NRG4: variants seen among roughly 807,000 people sequenced by gnomAD.
NRG4 encodes the protein pro-neuregulin-4, membrane-bound isoform.
A neutral mutation model predicts 15.0 loss-of-function variants in NRG4; 10 were observed. That is an observed-to-expected ratio of 0.67 (90% CI 0.41 to 1.13). NRG4 has a LOEUF of 1.13. Among genes scored for constraint, NRG4 ranks in the 50% most tolerant of loss-of-function variants. The pLI, the probability that NRG4 is intolerant of heterozygous loss-of-function variation, is 0.00. For missense variants in NRG4, 139 were observed against 140.2 expected, an observed-to-expected ratio of 0.99 and a Z score of 0.04; for synonymous variants, 41 against 50.1, an observed-to-expected ratio of 0.82 and a Z score of 0.77.
At chr15:76,058,183 A>C (rs2036199685) in intron 1 of NRG4, among the ~76,000 whole-genome samples, 1 of 152,196 alleles carries the variant, frequency 6.6e-6, no homozygotes, top group South Asian at 2.1e-4. Flanking sequence ...ACTGACTGTC[A>C]GAAAACTATA....
At chr15:76,014,262 G>A (rs975504630), upstream of NRG4, among the ~76,000 whole-genome samples, 4 of 152,106 alleles carry the variant, frequency 2.6e-5, no homozygotes, top group East Asian at 7.7e-4. Context: ...CAGATGAATA[G>A]ATTGCAAAAA....
At chr15:75,962,359 T>C (rs959641572) in intron 3 of NRG4, among the ~76,000 whole-genome samples, 2 of 152,206 alleles carry the variant, frequency 1.3e-5, no homozygotes, top group Non-Finnish European at 2.9e-5. Flanking sequence ...AACTGCTAAC[T>C]GGTTATTCCA....
upstream of NRG4, among the ~76,000 whole-genome samples, chr15:76,013,815 G>A (rs747523808): frequency 1.3e-5 from 2 of 152,130 alleles, no homozygotes; most frequent in Non-Finnish European, 2.9e-5. Flanking sequence ...GTGTGCATGT[G>A]TCTTTATAGT....
At chr15:75,967,032 T>C (rs1377247598) in intron 3 of NRG4, among the ~76,000 whole-genome samples, 4 of 148,378 alleles carry the variant, frequency 2.7e-5, no homozygotes, top group African/African-American at 1.0e-4. Flanking sequence ...GGGAATTGCT[T>C]GAATCCGGGA....
At chr15:76,021,427 T>C (rs1259026832) in intron 5 of NRG4, among the ~76,000 whole-genome samples, 1 of 152,244 alleles carries the variant, frequency 6.6e-6, no homozygotes, top group East Asian at 1.9e-4. Flanking sequence ...ACCTTTTATA[T>C]GCATTGGGAA....
intron 5 of NRG4, among the ~76,000 whole-genome samples, chr15:76,031,691 C>A (rs2035475740): frequency 6.6e-6 from 1 of 152,094 alleles, no homozygotes. Context: ...GAGCAAGATT[C>A]CGTCTCTCCA....
At chr15:75,947,988 C>T (rs529289538) in intron 5 of NRG4, among the ~76,000 whole-genome samples, 3 of 152,164 alleles carry the variant, frequency 2.0e-5, no homozygotes, top group African/African-American at 4.8e-5. Context: ...ATCCTTTGCC[C>T]GTTTTTGAAT....
chr15:76,019,709 T>C (rs1384682482), intron 5 of NRG4, among the ~76,000 whole-genome samples: 1 of 152,108 alleles, frequency 6.6e-6, no homozygotes, highest in Non-Finnish European at 1.5e-5. Flanking sequence ...ATAAGCCAGG[T>C]TCCTCAGCCA....
chr15:75,956,184 C>T (rs2032228254), intron 4 of NRG4, among the ~76,000 whole-genome samples, 173 bp from the exon 5 acceptor site: 1 of 152,050 alleles, frequency 6.6e-6, no homozygotes, highest in African/African-American at 2.4e-5. Context: ...TCCACAACTA[C>T]CTGAAATTGT....
chr15:76,040,926 A>G (rs1188424216), intron 4 of NRG4, among the ~76,000 whole-genome samples: 1 of 152,230 alleles, frequency 6.6e-6, no homozygotes, highest in Non-Finnish European at 1.5e-5. Flanking sequence ...CTCTGTCTCA[A>G]ATAATAATGA....
At chr15:75,973,423 G>A (rs1288886918) in intron 3 of NRG4, among the ~76,000 whole-genome samples, 1 of 152,196 alleles carries the variant, frequency 6.6e-6, no homozygotes. Context: ...AGTAGTGAGA[G>A]AGGGCATCCT....
chr15:75,941,953 A>AG lies in NRG4; in HGVS notation c.*1684_*1685insC, dbSNP rs1360268728. On this transcript the variant is annotated 3_prime_UTR_variant, in exon 6 of 6. Transcript: ENST00000394907. ...TTTTTAAACCACCAAAAAAAAAAAA[A>AG]AAAAAAAATATGGCCTAGCTTTTTT... The AG allele has an allele frequency of 8.2e-6, 1 of 122,092 alleles. No individual in the cohort carries two copies. Among genetic ancestry groups the AG allele is most frequent in the East Asian group, 2.3e-4 (1 of 4,376 alleles). The allele number at this position is 122,092 out of a possible 1,614,324, so 7.6% of individuals were successfully genotyped here.
intron 3 of NRG4, among the ~76,000 whole-genome samples, chr15:76,001,459 G>C (rs2034414635): frequency 6.6e-6 from 1 of 152,088 alleles, no homozygotes; most frequent in African/African-American, 2.4e-5. Context: ...AAAATTTAAG[G>C]ATTATTTGAT....
chr15:76,059,107 T>C lies in NRG4; in HGVS notation c.-328+548A>G, dbSNP rs111886858. 3.9e-3 allele frequency among the ~76,000 whole-genome samples: 587 copies of C among 152,254 alleles called. 4 individuals are homozygous for C. Among genetic ancestry groups the C allele is most frequent in the African/African-American group, 0.013 (527 of 41,548 alleles). ...ATACAGCACATAAGCAGGTCGACAG[T>C]GTATCTGCGGTACTGGGATTTCACG... On this transcript the variant is annotated intron_variant, in intron 1 of 8. Coordinates refer to the NRG4 transcript ENST00000563910.
chr15:75,963,517 C>T (rs1293159863), intron 3 of NRG4, among the ~76,000 whole-genome samples: 1 of 152,000 alleles, frequency 6.6e-6, no homozygotes, highest in Non-Finnish European at 1.5e-5. Context: ...TGGTGGCTCA[C>T]GCTTGTAATC....
intron 2 of NRG4, among the ~76,000 whole-genome samples, chr15:76,054,122 C>G (rs927155227): frequency 6.6e-6 from 1 of 150,632 alleles, no homozygotes; most frequent in Non-Finnish European, 1.5e-5. Flanking sequence ...GGGTGTCACA[C>G]TGTCACCCAG....
intron 5 of NRG4, among the ~76,000 whole-genome samples, chr15:76,023,073 A>G (rs1311153505): frequency 6.6e-6 from 1 of 151,874 alleles, no homozygotes; most frequent in Non-Finnish European, 1.5e-5. Context: ...GCATATTAAA[A>G]CCACAATGAG....
Position 75,943,667 on chromosome 15 carries a change from A to G in NRG4, c.332-13T>C. The G allele has an allele frequency of 6.5e-7, 1 of 1,535,194 alleles. No individual in the cohort carries two copies. The highest frequency in any genetic ancestry group is 1.7e-5 in the Admixed American group (1 of 59,132). ...TGTTGTTCATGACCTGTGAAAAATA[A>G]GTAAGAATTAAGATGCTTTCTCCAT... On this transcript the variant is annotated splice_polypyrimidine_tract_variant and intron_variant, in intron 5 of 5. Transcript: ENST00000394907.
intron 3 of NRG4, among the ~76,000 whole-genome samples, chr15:76,008,878 C>T (rs188489634): frequency 1.3e-5 from 2 of 152,068 alleles, no homozygotes; most frequent in Non-Finnish European, 2.9e-5. Context: ...AGCTGTTTTG[C>T]CAGTAATATT....
Sources: allele counts gnomAD v4.1 joint callset (sites outside exome capture counted in the v4.1 genomes callset), GRCh38; gene constraint gnomAD v4.1.1; transcripts MANE v1.5; gene names NCBI Gene and HGNC (gene_info 2026-07-23, HGNC 2026-07-21).